The following ADGRB3 variants were observed in gnomAD, a reference collection of about 807,000 sequenced individuals.
The protein encoded by ADGRB3 is brain-specific angiogenesis inhibitor 3.
A neutral mutation model predicts 193.4 loss-of-function variants in ADGRB3; 37 were observed. That is an observed-to-expected ratio of 0.19 (90% CI 0.15 to 0.25). ADGRB3 has a LOEUF of 0.25. ADGRB3 is among the 10% of genes least tolerant of loss of function. The probability of loss-of-function intolerance (pLI) is 1.00; values close to 1 mark genes in which losing one functional copy is unlikely to be tolerated. For missense variants in ADGRB3, 1,637 were observed against 1,852.9 expected, an observed-to-expected ratio of 0.88 and a Z score of 2.14; for synonymous variants, 690 against 644.2, an observed-to-expected ratio of 1.07 and a Z score of -1.08.
At chr6:69,356,961 G>A (rs558068954) in intron 28 of ADGRB3, among the ~76,000 whole-genome samples, 2 of 152,116 alleles carry the variant, frequency 1.3e-5, no homozygotes, top group South Asian at 4.1e-4. Context: ...TTTATTTGTT[G>A]ATCTTGGTGC....
intron 20 of ADGRB3, among the ~76,000 whole-genome samples, chr6:69,247,401 C>T (rs926698385): frequency 3.9e-5 from 6 of 152,280 alleles, no homozygotes; most frequent in African/African-American, 1.4e-4. Flanking sequence ...GCAACAAGAG[C>T]TAGATTTCAG....
intron 3 of ADGRB3, among the ~76,000 whole-genome samples, chr6:68,850,569 T>C (rs2127390715): frequency 7.3e-6 from 1 of 136,604 alleles, no homozygotes; most frequent in Non-Finnish European, 1.7e-5. Context: ...TCAAGTTTAC[T>C]TGAAATTGTA....
chr6:69,159,056 CTG>C (rs1321022355), intron 17 of ADGRB3, among the ~76,000 whole-genome samples: 2 of 152,078 alleles, frequency 1.3e-5, no homozygotes, highest in Non-Finnish European at 2.9e-5. Context: ...CACTGAGAAA[CTG>C]TGGCTTTAGT....
intron 3 of ADGRB3, among the ~76,000 whole-genome samples, chr6:68,851,960 G>A (rs913480522): frequency 1.3e-5 from 2 of 151,792 alleles, no homozygotes; most frequent in African/African-American, 4.8e-5. Flanking sequence ...ATTGTGCAAT[G>A]AGCCAAGTTT....
chr6:69,183,000 T>C (rs1764966245), intron 17 of ADGRB3, among the ~76,000 whole-genome samples: 1 of 152,100 alleles, frequency 6.6e-6, no homozygotes, highest in African/African-American at 2.4e-5. Flanking sequence ...CTTTCTGAGT[T>C]ATTACTTTTA....
intron 17 of ADGRB3, among the ~76,000 whole-genome samples, chr6:69,165,098 T>A (rs1037302919): frequency 6.6e-6 from 1 of 152,006 alleles, no homozygotes; most frequent in Non-Finnish European, 1.5e-5. Context: ...GGAGGACCTT[T>A]CTAAAGCTAA....
At chr6:68,678,546 A>G (rs968848141) in intron 3 of ADGRB3, among the ~76,000 whole-genome samples, 2 of 152,134 alleles carry the variant, frequency 1.3e-5, no homozygotes, top group Non-Finnish European at 2.9e-5. Flanking sequence ...TAGAATGAAA[A>G]ACTGTGAGGG....
At chr6:68,644,151 G>A (rs2246093) in intron 3 of ADGRB3, among the ~76,000 whole-genome samples, 87,401 of 151,574 alleles carry the variant, frequency 0.58, 25,486 homozygotes, top group African/African-American at 0.65. Flanking sequence ...ATAGGTTACA[G>A]TAAAAAAAAA....
intron 12 of ADGRB3, among the ~76,000 whole-genome samples, chr6:69,016,193 G>T (rs181293187): frequency 2.0e-5 from 3 of 151,994 alleles, no homozygotes; most frequent in East Asian, 3.9e-4. Flanking sequence ...TATGCAAACA[G>T]AAAAAGTTTG....
chr6:68,855,499 TATATA>T (rs1321150624), intron 3 of ADGRB3, among the ~76,000 whole-genome samples: 2 of 151,896 alleles, frequency 1.3e-5, no homozygotes, highest in African/African-American at 2.4e-5. Flanking sequence ...TTTATACTGT[TATATA>T]ATATATGTGA....
At chr6:69,042,377 T>TTGAATGAAGTAAGAAA (rs1252779028) in intron 13 of ADGRB3, among the ~76,000 whole-genome samples, 2 of 152,164 alleles carry the variant, frequency 1.3e-5, no homozygotes, top group African/African-American at 2.4e-5. Flanking sequence ...GTAAATACTG[T>TTGAATGAAGTAAGAAA]TGAATGAAGT....
At chr6:68,880,972 G>T (rs1194626848) in intron 3 of ADGRB3, among the ~76,000 whole-genome samples, 2 of 152,032 alleles carry the variant, frequency 1.3e-5, no homozygotes, top group Non-Finnish European at 2.9e-5. Flanking sequence ...TAAAAAGTCG[G>T]TGAGAAAAAT....
intron 3 of ADGRB3, among the ~76,000 whole-genome samples, chr6:68,754,980 C>T (rs1291539482): frequency 3.9e-5 from 6 of 152,148 alleles, no homozygotes; most frequent in African/African-American, 7.2e-5. Context: ...AAGGAATATA[C>T]TGAGAACTTG....
At chr6:68,638,056 G>A (rs1767996917) in intron 2 of ADGRB3, among the ~76,000 whole-genome samples, 1 of 152,186 alleles carries the variant, frequency 6.6e-6, no homozygotes. Flanking sequence ...TCACATGGTG[G>A]CCCCTGCAAA....
chr6:68,985,169 G>A (rs1002365453), intron 10 of ADGRB3, among the ~76,000 whole-genome samples: 1 of 152,120 alleles, frequency 6.6e-6, no homozygotes, highest in African/African-American at 2.4e-5. Context: ...GTGCAGGGAA[G>A]GTATTTGTTA....
intron 3 of ADGRB3, among the ~76,000 whole-genome samples, chr6:68,858,366 TG>T (rs1765046429): frequency 6.6e-6 from 1 of 151,370 alleles, no homozygotes; most frequent in South Asian, 2.1e-4. Flanking sequence ...TAGCCAGGTG[TG>T]GTGGTGTGTG....
At chr6:69,293,188 G>C (rs1020509421) in intron 20 of ADGRB3, among the ~76,000 whole-genome samples, 1 of 152,020 alleles carries the variant, frequency 6.6e-6, no homozygotes. Flanking sequence ...ATTGTTAAAA[G>C]TATTTTCGAT....
At chr6:68,863,520 C>T (rs933702125) in intron 3 of ADGRB3, among the ~76,000 whole-genome samples, 5 of 151,908 alleles carry the variant, frequency 3.3e-5, no homozygotes, top group Non-Finnish European at 7.4e-5. Flanking sequence ...AATCATACTT[C>T]TTGATATTCA....
chr6:69,049,737 G>T (rs1771339433), intron 15 of ADGRB3, among the ~76,000 whole-genome samples: 1 of 152,130 alleles, frequency 6.6e-6, no homozygotes, highest in Non-Finnish European at 1.5e-5. Flanking sequence ...GGAGTGTCAT[G>T]ATGACTGGGA....
Sources: gnomAD v4.1 joint callset for allele counts (sites outside exome capture counted in the v4.1 genomes callset) on GRCh38, gnomAD v4.1.1 for gene constraint, MANE v1.5 for transcripts, NCBI Gene and HGNC (gene_info 2026-07-23, HGNC 2026-07-21) for gene names.